Variants in OXSR1 observed in about 807,000 individuals in gnomAD.
OXSR1 encodes serine/threonine-protein kinase OSR1.
Under a neutral mutation model 79.8 loss-of-function variants are expected in OXSR1, and 24 were observed. The observed-to-expected ratio is 0.30, with a 90% confidence interval of 0.22 to 0.42. The LOEUF is 0.42. Ranked by LOEUF, OXSR1 falls within the 10% of genes least tolerant of loss-of-function variation. The probability of loss-of-function intolerance (pLI) is 1.00; values close to 1 mark genes in which losing one functional copy is unlikely to be tolerated. For synonymous variants in OXSR1, 226 were observed against 209.2 expected (o/e 1.08, Z -0.69); for missense variants, 430 against 618.4 (o/e 0.70, Z 3.23).
intron 4 of OXSR1, among the ~76,000 whole-genome samples, chr3:38,203,425 T>C (rs764803619): frequency 1.1e-4 from 17 of 152,166 alleles, no homozygotes; most frequent in Non-Finnish European, 2.5e-4. Flanking sequence ...CTTTGTCTTG[T>C]GTCTTTATTT....
At chr3:38,211,257 G>T (rs1702381818) in intron 4 of OXSR1, among the ~76,000 whole-genome samples, 1 of 152,102 alleles carries the variant, frequency 6.6e-6, no homozygotes, top group Non-Finnish European at 1.5e-5. Flanking sequence ...CTTTGAGCGG[G>T]ACTCTAAGTA....
chr3:38,175,367 A>G (rs764044335), intron 1 of OXSR1, among the ~76,000 whole-genome samples: 3 of 152,132 alleles, frequency 2.0e-5, no homozygotes, highest in Non-Finnish European at 4.4e-5. Flanking sequence ...GTGCAGCAGT[A>G]TGATCATGGC....
Position 38,253,215 on chromosome 3 carries a change from A to G in OXSR1, c.*324A>G, listed in dbSNP as rs1703296016. 1 of 289,812 alleles carries G rather than the reference A, an allele frequency of 3.5e-6. No individual in the cohort carries two copies. The highest frequency in any genetic ancestry group is 6.5e-6 in the Non-Finnish European group (1 of 153,530). The allele number at this position is 289,812 out of a possible 1,614,324, so 18.0% of individuals were successfully genotyped here. On this transcript the variant is annotated 3_prime_UTR_variant, in exon 18 of 18. Coordinates refer to ENST00000311806, the MANE Select transcript of OXSR1 (RefSeq NM_005109.3). ...AGCTCATTCTTGCCTTACTCCAATG[A>G]TGGCCCAGGTGGAAAAGTAGCAGCT...
intron 11 of OXSR1, among the ~76,000 whole-genome samples, chr3:38,242,457 G>A (rs1433075655): frequency 6.6e-6 from 1 of 152,188 alleles, no homozygotes; most frequent in African/African-American, 2.4e-5. Flanking sequence ...TTTGGAGAAT[G>A]TGACAGTCCC....
chr3:38,193,425 C>T, intron 3 of OXSR1: 1 of 1,276,360 alleles, frequency 7.8e-7, no homozygotes, highest in Non-Finnish European at 1.0e-6. Flanking sequence ...TTAGGTAATA[C>T]TGTATCTTTC....
rs768642265 is a variant in OXSR1 at position 38,223,883 on chromosome 3, G to A, written c.672G>A (p.Ala224=). Residue 224 remains alanine (A), a synonymous_variant, in exon 7 of 18, where the codon GCG becomes GCA. Coordinates refer to ENST00000311806, the MANE Select transcript of OXSR1 (RefSeq NM_005109.3). ...GITAIELATG[A]APYHKYPPMK... is the part of the protein sequence containing the mutation. ...CAGCAATTGAATTGGCTACAGGGGC[G>A]GCTCCTTATCATAAATATCCACCAA... 9 of 1,604,516 alleles carry A rather than the reference G, an allele frequency of 5.6e-6. No homozygotes were observed. The highest frequency in any genetic ancestry group is 2.7e-5 in the African/African-American group (2 of 74,330).
At chr3:38,233,346 A>G (rs1257030030) in intron 10 of OXSR1, among the ~76,000 whole-genome samples, 2 of 152,240 alleles carry the variant, frequency 1.3e-5, no homozygotes, top group African/African-American at 2.4e-5. Flanking sequence ...CTAAGAGGAA[A>G]AACAGAAGTA....
intron 16 of OXSR1, among the ~76,000 whole-genome samples, chr3:38,251,858 G>A (rs1396549404): frequency 1.3e-5 from 2 of 152,216 alleles, no homozygotes; most frequent in East Asian, 3.8e-4. Context: ...AAGGCCCAGT[G>A]AGGCCACAGG....
chr3:38,218,852 T>G (rs1702534886), intron 5 of OXSR1, among the ~76,000 whole-genome samples: 1 of 152,164 alleles, frequency 6.6e-6, no homozygotes, highest in Non-Finnish European at 1.5e-5. Context: ...GTATTATAAT[T>G]GCCTGATTCC....
chr3:38,209,613 C>G (rs912419111), intron 4 of OXSR1, among the ~76,000 whole-genome samples: 1 of 151,048 alleles, frequency 6.6e-6, no homozygotes, highest in Admixed American at 6.6e-5. Context: ...TTCGTTTCCT[C>G]TCTTAGGATA....
intron 3 of OXSR1, among the ~76,000 whole-genome samples, chr3:38,197,877 T>C (rs1238656733): frequency 6.6e-6 from 1 of 152,232 alleles, no homozygotes. Flanking sequence ...GAAATGGGTA[T>C]TGAATCTTTT....
At chr3:38,169,670 A>G (rs1203283734) in intron 1 of OXSR1, among the ~76,000 whole-genome samples, 6 of 149,662 alleles carry the variant, frequency 4.0e-5, no homozygotes, top group African/African-American at 7.4e-5. Flanking sequence ...CATTCTGGGT[A>G]TGCGTCGTTC....
At chr3:38,239,217 C>T (rs1197372129) in intron 11 of OXSR1, among the ~76,000 whole-genome samples, 2 of 152,064 alleles carry the variant, frequency 1.3e-5, no homozygotes, top group Admixed American at 6.6e-5. Flanking sequence ...ACATCCATGT[C>T]AATTCTGAAT....
At chr3:38,200,445 T>TA (rs1702144956) in intron 4 of OXSR1, among the ~76,000 whole-genome samples, 1 of 152,228 alleles carries the variant, frequency 6.6e-6, no homozygotes. Context: ...CTGAGGCCCC[T>TA]AGCCACTCTG....
intron 1 of OXSR1, among the ~76,000 whole-genome samples, chr3:38,176,975 A>C (rs956913163): frequency 6.6e-6 from 1 of 152,228 alleles, no homozygotes; most frequent in Non-Finnish European, 1.5e-5. Context: ...AAGATAAATC[A>C]ATCAGTGTTA....
At chr3:38,200,854 C>T (rs975492705) in intron 4 of OXSR1, among the ~76,000 whole-genome samples, 9 of 152,166 alleles carry the variant, frequency 5.9e-5, no homozygotes, top group Non-Finnish European at 7.3e-5. Context: ...AATTGCTTTT[C>T]AGAAATGTAG....
In OXSR1 at chr3:38,242,730, G is replaced by C; in HGVS notation, c.1075-13G>C. 1 of 1,530,320 alleles carries C rather than the reference G, an allele frequency of 6.5e-7. No individual in the cohort carries two copies. 94.8% of individuals were successfully genotyped at this position (1,530,320 alleles called of 1,614,324 possible). A position where few individuals can be genotyped will look rare whatever the true frequency, so the allele number is the denominator to read the frequency against. ...TTGTGAGTTAACAATCATCCTTTTT[G>C]TATTTCGTTTAGTCTCCCCGAGTGA... On this transcript the variant is annotated splice_polypyrimidine_tract_variant and intron_variant, in intron 11 of 17. Coordinates refer to ENST00000311806, the MANE Select transcript of OXSR1 (RefSeq NM_005109.3).
At chr3:38,208,983 TGTGC>T (rs977176929) in intron 4 of OXSR1, among the ~76,000 whole-genome samples, 204 of 127,846 alleles carry the variant, frequency 1.6e-3, no homozygotes, top group African/African-American at 4.6e-3. Context: ...TGTGTGTGTG[TGTGC>T]GCGCGCGCGT....
chr3:38,233,395 T>C (rs1374942022), intron 10 of OXSR1, among the ~76,000 whole-genome samples: 1 of 152,198 alleles, frequency 6.6e-6, no homozygotes, highest in Non-Finnish European at 1.5e-5. Context: ...CACATCACTC[T>C]GCAGTGAAGC....
Sources: allele counts gnomAD v4.1 joint callset (sites outside exome capture counted in the v4.1 genomes callset), GRCh38; gene constraint gnomAD v4.1.1; transcripts MANE v1.5; gene names NCBI Gene and HGNC (gene_info 2026-07-23, HGNC 2026-07-21).